DCP1B: variants seen among roughly 807,000 people sequenced by gnomAD.
DCP1B encodes the protein mRNA-decapping enzyme 1B.
A neutral mutation model predicts 60.5 loss-of-function variants in DCP1B; 47 were observed. The observed-to-expected ratio is 0.78, with a 90% confidence interval of 0.61 to 0.99. The LOEUF is 0.99. DCP1B is among the 50% of genes least tolerant of loss of function. The pLI, the probability that DCP1B is intolerant of heterozygous loss-of-function variation, is 0.00. For missense variants in DCP1B, 725 were observed against 756.8 expected, an observed-to-expected ratio of 0.96 and a Z score of 0.49; for synonymous variants, 267 against 280.3, an observed-to-expected ratio of 0.95 and a Z score of 0.47.
intron 6 of DCP1B, 81 bp from the exon 7 acceptor site, chr12:1,953,369 G>A: frequency 7.2e-7 from 1 of 1,388,452 alleles, no homozygotes; most frequent in Non-Finnish European, 9.6e-7. Flanking sequence ...TAACTTATCT[G>A]ATGACTTATT....
Position 1,953,166 on chromosome 12 carries a change from C to CTGA in DCP1B, c.773_774insTCA (p.Gln257_Gln258insHis), listed in dbSNP as rs386375386. 1 of 1,603,698 alleles carries CTGA rather than the reference C, an allele frequency of 6.2e-7. No individual in the cohort carries two copies. The highest frequency in any genetic ancestry group is 8.5e-7 in the Non-Finnish European group (1 of 1,172,704). On this transcript the variant is annotated inframe_insertion, in exon 7 of 9. Transcript: ENST00000280665. ...TAATTGGAAGCTTCTCTTGCTGCTG[C>CTGA]TGCTGCTGCTGCTGCTGCTGGTGGA...
At chr12:1,990,030 G>T (rs111448155) in intron 3 of DCP1B, among the ~76,000 whole-genome samples, 4,167 of 152,202 alleles carry the variant, frequency 0.027, 96 homozygotes, top group Middle Eastern at 0.054. Flanking sequence ...TGATAAACTT[G>T]GCTCAAATGC....
intron 3 of DCP1B, among the ~76,000 whole-genome samples, chr12:1,969,914 C>A (rs2031793357): frequency 6.6e-6 from 1 of 151,920 alleles, no homozygotes; most frequent in Admixed American, 6.6e-5. Flanking sequence ...CTGACTTTTC[C>A]AAAACTATCA....
intron 3 of DCP1B, among the ~76,000 whole-genome samples, chr12:1,976,516 G>A (rs534511012): frequency 3.6e-4 from 55 of 152,126 alleles, no homozygotes; most frequent in African/African-American, 1.3e-3. Context: ...CAAATTCCTC[G>A]GCTCCCATTC....
intron 5 of DCP1B, 102 bp downstream of exon 5, chr12:1,965,456 G>T: frequency 7.8e-7 from 1 of 1,282,790 alleles, no homozygotes; most frequent in Non-Finnish European, 1.0e-6. Flanking sequence ...AATTTTGTTT[G>T]GTGGAAGGAA....
intron 3 of DCP1B, among the ~76,000 whole-genome samples, chr12:1,987,125 C>T (rs1040826788): frequency 6.6e-6 from 1 of 152,192 alleles, no homozygotes; most frequent in Admixed American, 6.5e-5. Flanking sequence ...CAGGAACTCC[C>T]AGCTTTACAA....
rs1226962019 is a variant in DCP1B, at chr12:1,962,628, G to A, written c.522+2930C>T. 6.6e-6 allele frequency among the ~76,000 whole-genome samples: 1 copy of A among 151,526 alleles called. No homozygotes were observed. Among genetic ancestry groups the A allele is most frequent in the South Asian group, 2.1e-4 (1 of 4,768 alleles). On this transcript the variant is annotated intron_variant, in intron 5 of 8. Coordinates refer to ENST00000280665, the MANE Select transcript of DCP1B (RefSeq NM_152640.5). The surrounding 1 kb of genome is among the most constrained non-coding windows in gnomAD (Gnocchi z 4.4). ...AACTAATTATTCAACTAGTTGCCAA[G>A]TCATCATAATTTTTTTTAATGACTT...
chr12:2,001,037 CAA>C (rs55946150), intron 1 of DCP1B, among the ~76,000 whole-genome samples: 2,363 of 124,324 alleles, frequency 0.019, 56 homozygotes, highest in African/African-American at 0.063. Flanking sequence ...GACTTCGTCT[CAA>C]AAAAAAAAAA....
intron 8 of DCP1B, among the ~76,000 whole-genome samples, chr12:1,947,442 A>G (rs1422509337): frequency 2.0e-5 from 3 of 152,144 alleles, no homozygotes; most frequent in Non-Finnish European, 2.9e-5. Flanking sequence ...GAAACTAAAA[A>G]CAGACTGCTT....
chr12:1,970,040 T>C (rs138536201), intron 3 of DCP1B, among the ~76,000 whole-genome samples: 44 of 152,294 alleles, frequency 2.9e-4, no homozygotes, highest in African/African-American at 1.0e-3. Flanking sequence ...TTAATAAGAA[T>C]ATTCTGGGTA....
intron 3 of DCP1B, chr12:1,990,984 C>CAAAAAAAAAA (rs58516806): frequency 3.3e-6 from 1 of 298,628 alleles, no homozygotes. Flanking sequence ...ATAGAAAGGA[C>CAAAAAAAAAA]AAAAAAAAAA....
chr12:1,969,782 G>A (rs1040248134), intron 3 of DCP1B, among the ~76,000 whole-genome samples: 1 of 152,070 alleles, frequency 6.6e-6, no homozygotes, highest in Non-Finnish European at 1.5e-5. Flanking sequence ...TTGGATCACT[G>A]ACGTTCAACC....
chr12:2,000,432 T>C (rs906275492), intron 1 of DCP1B, among the ~76,000 whole-genome samples: 2 of 152,130 alleles, frequency 1.3e-5, no homozygotes, highest in Non-Finnish European at 2.9e-5. Flanking sequence ...ACTTGTTTCC[T>C]TTCTTCCTTG....
In DCP1B at chr12:1,971,683, T is replaced by C. The variant is rs2032334701; in HGVS notation, c.320-3773A>G. On this transcript the variant is annotated intron_variant, in intron 3 of 8. Transcript: ENST00000280665. The surrounding 1 kb of genome is among the most constrained non-coding windows in gnomAD (Gnocchi z 4.2). ...TAAGGGGCCATTAAAGGCAGTGTCA[T>C]GTCAGCGTCATTCAAATGTACATTT... 6.6e-6 allele frequency among the ~76,000 whole-genome samples: 1 copy of C among 152,386 alleles called. No homozygotes were observed. Among genetic ancestry groups the C allele is most frequent in the South Asian group, 2.1e-4 (1 of 4,832 alleles).
At chr12:2,004,141 C>A in intron 1 of DCP1B, 141 bp downstream of exon 1, 2 of 1,236,992 alleles carry the variant, frequency 1.6e-6, no homozygotes, top group African/African-American at 1.5e-5. Context: ...ATCTCCACAA[C>A]TTCGGCCTCA....
chr12:1,951,920 T>C (rs1223071429), intron 7 of DCP1B, among the ~76,000 whole-genome samples: 1 of 152,238 alleles, frequency 6.6e-6, no homozygotes, highest in Non-Finnish European at 1.5e-5. Flanking sequence ...TTTTCTCCCA[T>C]GTCTGTGTTG....
chr12:1,998,814 G>T (rs1329328417), intron 1 of DCP1B, among the ~76,000 whole-genome samples: 4 of 152,150 alleles, frequency 2.6e-5, no homozygotes, highest in Non-Finnish European at 5.9e-5. Context: ...AATTTAAAAT[G>T]TACTTTTGCA....
downstream of DCP1B, among the ~76,000 whole-genome samples, chr12:1,945,699 A>G (rs969655275): frequency 1.3e-5 from 2 of 152,240 alleles, no homozygotes; most frequent in Non-Finnish European, 2.9e-5. Flanking sequence ...AATACTATGC[A>G]GCCATAAAAA....
At chr12:1,994,041 A>G (rs2040198463) in intron 2 of DCP1B, among the ~76,000 whole-genome samples, 1 of 152,260 alleles carries the variant, frequency 6.6e-6, no homozygotes, top group African/African-American at 2.4e-5. Context: ...CTCTATAAAA[A>G]TGTGACATTT....
Sources: allele counts gnomAD v4.1 joint callset (sites outside exome capture counted in the v4.1 genomes callset), GRCh38; gene constraint gnomAD v4.1.1; non-coding constraint Gnocchi (gnomAD v3.1); transcripts MANE v1.5; gene names NCBI Gene and HGNC (gene_info 2026-07-23, HGNC 2026-07-21).